Variants in NKAIN2 observed in about 807,000 individuals in gnomAD.
NKAIN2 encodes sodium/potassium-transporting ATPase subunit beta-1-interacting protein 2.
In NKAIN2, 14 loss-of-function variants were observed where a neutral mutation model predicts 32.6. The ratio of observed to expected loss-of-function variants is 0.43; its 90% CI spans 0.28 to 0.67. The LOEUF is 0.67. NKAIN2 is among the 30% of genes least tolerant of loss of function. The pLI is 0.17. For synonymous variants in NKAIN2, 80 were observed against 87.2 expected, an observed-to-expected ratio of 0.92 and a Z score of 0.46; for missense variants, 198 against 258.3, an observed-to-expected ratio of 0.77 and a Z score of 1.60.
intron 1 of NKAIN2, among the ~76,000 whole-genome samples, chr6:124,166,679 T>G (rs1386184478): frequency 1.3e-5 from 2 of 151,990 alleles, no homozygotes; most frequent in Non-Finnish European, 2.9e-5. Context: ...TAATCCATCT[T>G]GAATTAATTT....
intron 2 of NKAIN2, among the ~76,000 whole-genome samples, chr6:124,305,994 G>C (rs1796493067): frequency 1.3e-5 from 2 of 151,738 alleles, no homozygotes; most frequent in Non-Finnish European, 2.9e-5. Flanking sequence ...TACTCTTCAA[G>C]TTACTAGTAG....
intron 1 of NKAIN2, among the ~76,000 whole-genome samples, chr6:123,988,556 CT>C (rs1779263173): frequency 6.6e-6 from 1 of 152,200 alleles, no homozygotes. Flanking sequence ...AGCTGTAAAA[CT>C]ACTCAGCACT....
At chr6:123,938,481 A>C (rs1340555340) in intron 1 of NKAIN2, among the ~76,000 whole-genome samples, 2 of 134,326 alleles carry the variant, frequency 1.5e-5, no homozygotes, top group Admixed American at 8.1e-5. Flanking sequence ...TATTATACAT[A>C]ATATATAATA....
At chr6:123,898,553 T>A (rs909010741) in intron 1 of NKAIN2, among the ~76,000 whole-genome samples, 1 of 88,140 alleles carries the variant, frequency 1.1e-5, no homozygotes, top group Non-Finnish European at 2.1e-5. Context: ...CCAGGGGTGT[T>A]TTTTTTTTTT....
At chr6:124,752,131 G>A (rs1462840551) in intron 4 of NKAIN2, among the ~76,000 whole-genome samples, 1 of 151,800 alleles carries the variant, frequency 6.6e-6, no homozygotes, top group Non-Finnish European at 1.5e-5. Context: ...CAATTAAAAG[G>A]CAGTGGAGGT....
chr6:124,214,928 A>G (rs1295002336), intron 1 of NKAIN2, among the ~76,000 whole-genome samples: 1 of 152,200 alleles, frequency 6.6e-6, no homozygotes, highest in Non-Finnish European at 1.5e-5. Flanking sequence ...TCTCAGAAGT[A>G]TTATAGGGAG....
At chr6:124,292,607 T>G (rs937434803) in intron 2 of NKAIN2, among the ~76,000 whole-genome samples, 1 of 151,916 alleles carries the variant, frequency 6.6e-6, no homozygotes, top group African/African-American at 2.4e-5. Flanking sequence ...CAGCCTCATT[T>G]TACCCAGCTC....
chr6:124,275,777 A>G (rs915056914), intron 1 of NKAIN2, among the ~76,000 whole-genome samples: 2 of 152,198 alleles, frequency 1.3e-5, no homozygotes, highest in Non-Finnish European at 2.9e-5. Flanking sequence ...ACAAATATAG[A>G]ATGATAATGC....
intron 4 of NKAIN2, among the ~76,000 whole-genome samples, chr6:124,698,779 C>T (rs1438854522): frequency 4.6e-5 from 7 of 152,102 alleles, no homozygotes; most frequent in African/African-American, 7.2e-5. Context: ...AAAAAGTCAA[C>T]GTCAATTTAC....
At chr6:124,814,884 C>A (rs1781075331) in intron 5 of NKAIN2, among the ~76,000 whole-genome samples, 1 of 152,070 alleles carries the variant, frequency 6.6e-6, no homozygotes, top group Non-Finnish European at 1.5e-5. Flanking sequence ...TCCCTGTAAT[C>A]AAGTTAATTA....
chr6:124,589,247 T>G (rs1435225906), intron 3 of NKAIN2, among the ~76,000 whole-genome samples: 1 of 152,208 alleles, frequency 6.6e-6, no homozygotes, highest in Non-Finnish European at 1.5e-5. Context: ...GCACTAGGTT[T>G]TATTCATCAT....
chr6:124,799,328 CA>C (rs1780151665), intron 5 of NKAIN2, among the ~76,000 whole-genome samples: 1 of 152,200 alleles, frequency 6.6e-6, no homozygotes, highest in Admixed American at 6.5e-5. Context: ...GATCATCTAA[CA>C]GAAAACACAT....
chr6:124,420,609 A>C (rs1774703106), intron 3 of NKAIN2, among the ~76,000 whole-genome samples: 1 of 152,138 alleles, frequency 6.6e-6, no homozygotes, highest in African/African-American at 2.4e-5. Context: ...AAAACGATTA[A>C]CAGTTGACTA....
At chr6:124,462,981 A>G (rs1200934035) in intron 3 of NKAIN2, among the ~76,000 whole-genome samples, 2 of 152,108 alleles carry the variant, frequency 1.3e-5, no homozygotes, top group Non-Finnish European at 2.9e-5. Flanking sequence ...CTGAAATGTG[A>G]GAAAATAAAG....
intron 1 of NKAIN2, among the ~76,000 whole-genome samples, chr6:123,887,594 T>C (rs987924974): frequency 6.6e-6 from 1 of 152,148 alleles, no homozygotes; most frequent in African/African-American, 2.4e-5. Context: ...ACCCTGTTGC[T>C]CATGCTCTCA....
intron 1 of NKAIN2, among the ~76,000 whole-genome samples, chr6:124,141,865 T>A (rs1354771666): frequency 6.6e-6 from 1 of 152,144 alleles, no homozygotes; most frequent in African/African-American, 2.4e-5. Flanking sequence ...TGATCTTGAA[T>A]TGCAACCAGT....
chr6:124,369,812 TTG>T (rs1799673809), intron 3 of NKAIN2, among the ~76,000 whole-genome samples: 2 of 151,240 alleles, frequency 1.3e-5, no homozygotes, highest in South Asian at 4.2e-4. Flanking sequence ...GACATGATCC[TTG>T]GGACTCATTT....
intron 3 of NKAIN2, among the ~76,000 whole-genome samples, chr6:124,626,006 A>G (rs1163218436): frequency 6.6e-6 from 1 of 151,546 alleles, no homozygotes; most frequent in Non-Finnish European, 1.5e-5. Context: ...GGTTTGTTAC[A>G]TATGTATACA....
intron 3 of NKAIN2, among the ~76,000 whole-genome samples, chr6:124,641,934 T>A (rs1261875073): frequency 1.3e-5 from 2 of 152,118 alleles, no homozygotes; most frequent in East Asian, 3.9e-4. Flanking sequence ...ATGTTTTCCA[T>A]GCTCACAGAA....
Sources: allele counts gnomAD v4.1 joint callset (sites outside exome capture counted in the v4.1 genomes callset), GRCh38; gene constraint gnomAD v4.1.1; transcripts MANE v1.5; gene names NCBI Gene and HGNC (gene_info 2026-07-23, HGNC 2026-07-21).